Variants in WWOX observed in about 807,000 individuals in gnomAD.
WWOX encodes WW domain-containing oxidoreductase.
WWOX carries 69 observed loss-of-function variants against 46.2 expected under a neutral mutation model. The observed-to-expected ratio is 1.49, with a 90% confidence interval of 1.23 to 1.82. The LOEUF (loss-of-function observed/expected upper bound fraction) is 1.82. WWOX is among the 40% of genes most tolerant of loss of function. The pLI, the probability that WWOX is intolerant of heterozygous loss-of-function variation, is 0.00. For missense variants in WWOX, 919 were observed against 542.6 expected, an observed-to-expected ratio of 1.69 and a Z score of -6.89; for synonymous variants, 359 against 202.6, an observed-to-expected ratio of 1.77 and a Z score of -6.56.
rs746524565 is a variant in WWOX at position 79,211,564 on chromosome 16, CCTTTT to C, written c.1057-40_1057-36del. On this transcript the variant is annotated intron_variant, in intron 8 of 8. Transcript: ENST00000566780. The stretch of plus-strand genomic sequence containing the variant: ...GTCGAAATGACGCCATCTCATCACT[CCTTTT>C]CTTAAAATTTTTTTTTGTCTTTCTT... 14 of 1,613,428 alleles carry C rather than the reference CCTTTT, an allele frequency of 8.7e-6. No homozygotes were observed. In the South Asian group the frequency reaches 1.2e-4, roughly 14 times the overall value.
In WWOX at chr16:78,720,461, AT is replaced by A. The variant is rs886781898; in HGVS notation, c.1056+287718del. Among the ~76,000 whole-genome samples, 346 of 121,216 alleles carry A rather than the reference AT, an allele frequency of 2.9e-3. 1 individual carries two copies. The highest frequency in any genetic ancestry group is 8.4e-3 in the African/African-American group (257 of 30,698). The allele number at this position is 121,216 out of a possible 152,430, so 79.5% of individuals were successfully genotyped here. A position where few individuals can be genotyped will look rare whatever the true frequency, so the allele number is the denominator to read the frequency against. On this transcript the variant is annotated intron_variant, in intron 8 of 8. Coordinates refer to ENST00000566780, the MANE Select transcript of WWOX (RefSeq NM_016373.4). ...TTTGAAATTCCCAATTTGCAATGTT[AT>A]TTTTTTTTCTTCTTTTTTTTTTATG...
chr16:78,702,963 C>T (rs116161876), intron 8 of WWOX, among the ~76,000 whole-genome samples: 1,909 of 152,288 alleles, frequency 0.013, 37 homozygotes, highest in African/African-American at 0.044. Flanking sequence ...CCCACACTTG[C>T]TCTTGTAGAT....
intron 8 of WWOX, among the ~76,000 whole-genome samples, chr16:78,591,750 G>A (rs922920613): frequency 3.9e-5 from 6 of 152,198 alleles, no homozygotes; most frequent in African/African-American, 1.4e-4. Context: ...CTCTGAAGGT[G>A]GAGGCTGGAC....
chr16:78,823,300 A>T (rs374849291), intron 8 of WWOX, among the ~76,000 whole-genome samples: 1 of 152,212 alleles, frequency 6.6e-6, no homozygotes, highest in South Asian at 2.1e-4. Context: ...TGGGGGCTGC[A>T]GGAAGAGAGG....
chr16:78,334,288 C>T (rs1046166290), intron 5 of WWOX, among the ~76,000 whole-genome samples: 2 of 152,170 alleles, frequency 1.3e-5, no homozygotes, highest in Non-Finnish European at 2.9e-5. Context: ...CACCCTCCTC[C>T]GTGAATGCAC....
chr16:78,742,166 T>C (rs1013701838), intron 8 of WWOX, among the ~76,000 whole-genome samples: 1 of 152,350 alleles, frequency 6.6e-6, no homozygotes, highest in South Asian at 2.1e-4. Flanking sequence ...ATATTACATG[T>C]AGATTGTACA....
intron 8 of WWOX, among the ~76,000 whole-genome samples, chr16:79,105,273 A>C (rs2049285672): frequency 6.6e-6 from 1 of 152,190 alleles, no homozygotes; most frequent in Non-Finnish European, 1.5e-5. Context: ...TTTGATAGTG[A>C]AAACAATTTC....
At chr16:79,096,164 G>A (rs546866056) in intron 8 of WWOX, among the ~76,000 whole-genome samples, 1 of 151,712 alleles carries the variant, frequency 6.6e-6, no homozygotes, top group East Asian at 1.9e-4. Context: ...CACAGAGCCT[G>A]ACCACAGTCC....
chr16:78,590,146 G>GTCTCTCTC (rs58692243), intron 8 of WWOX, among the ~76,000 whole-genome samples: 79,051 of 149,558 alleles, frequency 0.53, 23,772 homozygotes, highest in East Asian at 0.8. Flanking sequence ...TAGGCATTCA[G>GTCTCTCTC]TCTCTCTCTC....
At chr16:78,831,203 G>T (rs1597688341) in intron 8 of WWOX, among the ~76,000 whole-genome samples, 1 of 139,346 alleles carries the variant, frequency 7.2e-6, no homozygotes, top group Admixed American at 7.3e-5. Context: ...CCATCTCTGT[G>T]ACTTTCGAGG....
chr16:78,991,720 C>G (rs917860824), intron 8 of WWOX, among the ~76,000 whole-genome samples: 1 of 151,966 alleles, frequency 6.6e-6, no homozygotes, highest in Non-Finnish European at 1.5e-5. Context: ...TAAGGTTAAC[C>G]CCTCCTCGTG....
intron 8 of WWOX, among the ~76,000 whole-genome samples, chr16:78,841,297 C>G (rs1275791738): frequency 6.6e-6 from 1 of 152,108 alleles, no homozygotes; most frequent in Non-Finnish European, 1.5e-5. Flanking sequence ...TTTGAGTCAC[C>G]ATAATGTGAT....
intron 8 of WWOX, among the ~76,000 whole-genome samples, chr16:78,830,717 G>C (rs537479669): frequency 1.3e-5 from 2 of 151,804 alleles, no homozygotes; most frequent in Non-Finnish European, 2.9e-5. Flanking sequence ...TGTTCAGGTC[G>C]ATTTGGCCAA....
At chr16:78,343,323 C>T (rs1274878293) in intron 5 of WWOX, among the ~76,000 whole-genome samples, 4 of 121,140 alleles carry the variant, frequency 3.3e-5, no homozygotes, top group South Asian at 2.5e-4. Context: ...CCACGTTCCT[C>T]GCCTACTTGC....
chr16:78,617,104 G>C (rs1205393314), intron 8 of WWOX, among the ~76,000 whole-genome samples: 1 of 152,128 alleles, frequency 6.6e-6, no homozygotes, highest in Non-Finnish European at 1.5e-5. Flanking sequence ...ACATCAACTG[G>C]TCAGTTTAGT....
chr16:78,569,872 T>C (rs1336510244), intron 8 of WWOX, among the ~76,000 whole-genome samples: 1 of 152,228 alleles, frequency 6.6e-6, no homozygotes. Context: ...CTGCTGCTTC[T>C]AGCTCATCAT....
At chr16:78,541,283 G>T (rs1439011622) in intron 8 of WWOX, among the ~76,000 whole-genome samples, 2 of 151,054 alleles carry the variant, frequency 1.3e-5, no homozygotes, top group Admixed American at 6.6e-5. Flanking sequence ...GACCATCCCG[G>T]CTAAAACGGT....
In WWOX at chr16:78,432,643, T is replaced by C. The variant is rs1476364680; in HGVS notation, c.947T>C (p.Val316Ala). Reference protein sequence around the residue: ...ELHRRLSPRGVTSNAVHPGNM... With the variant: ...ELHRRLSPRGATSNAVHPGNM... Reference sequence around the variant, plus strand: ...CACCGTCGCCTCTCCCCACGCGGGGTCACGTCGAACGCAGTGCATCCTGGA... The same window carrying C: ...CACCGTCGCCTCTCCCCACGCGGGGCCACGTCGAACGCAGTGCATCCTGGA... Residue 316 changes from valine to alanine, a missense_variant, in exon 8 of 9, where the codon GTC becomes GCC. Coordinates refer to ENST00000566780, the MANE Select transcript of WWOX (RefSeq NM_016373.4). 2 of 1,614,024 alleles carry C rather than the reference T, an allele frequency of 1.2e-6. No homozygotes were observed. Among genetic ancestry groups the C allele is most frequent in the African/African-American group, 2.7e-5 (2 of 74,916 alleles).
chr16:78,126,081 T>C (rs1302335155), intron 4 of WWOX, among the ~76,000 whole-genome samples: 1 of 152,246 alleles, frequency 6.6e-6, no homozygotes, highest in East Asian at 1.9e-4. Flanking sequence ...ATTATCTTTC[T>C]GTGTTGTTAA....
Sources: gnomAD v4.1 joint callset for allele counts (sites outside exome capture counted in the v4.1 genomes callset) on GRCh38, gnomAD v4.1.1 for gene constraint, MANE v1.5 for transcripts, NCBI Gene and HGNC (gene_info 2026-07-23, HGNC 2026-07-21) for gene names.